Variants in ATP2A3 observed in about 807,000 individuals in gnomAD.
The protein encoded by ATP2A3 is sarcoplasmic/endoplasmic reticulum calcium ATPase 3.
In ATP2A3, 61 loss-of-function variants were observed where a neutral mutation model predicts 106.8. The ratio of observed to expected loss-of-function variants is 0.57; its 90% CI spans 0.46 to 0.71. The LOEUF is 0.71. ATP2A3 is among the 30% of genes least tolerant of loss of function. ATP2A3 has a pLI of 0.00. For missense variants in ATP2A3, 1,201 were observed against 1,423.5 expected, an observed-to-expected ratio of 0.84 and a Z score of 2.52; for synonymous variants, 611 against 609.3, an observed-to-expected ratio of 1.00 and a Z score of -0.04.
At chr17:3,960,997 T>C (rs2055107001) in intron 1 of ATP2A3, among the ~76,000 whole-genome samples, 1 of 152,178 alleles carries the variant, frequency 6.6e-6, no homozygotes. Context: ...CGAAATGCCA[T>C]GCAGCCACTA....
intron 1 of ATP2A3, among the ~76,000 whole-genome samples, chr17:3,962,128 G>C (rs372299987): frequency 1.3e-5 from 2 of 152,316 alleles, no homozygotes; most frequent in East Asian, 3.9e-4. Context: ...TGAAAAAGCT[G>C]CTGCCGGCTG....
At chr17:3,945,287 G>C (rs1056141853) in intron 8 of ATP2A3, 139 bp from the exon 9 acceptor site, 1 of 697,478 alleles carries the variant, frequency 1.4e-6, no homozygotes. Context: ...TGCCCACCAG[G>C]AGGGAAATAG....
At position 3,924,801 on chromosome 17, in the gene ATP2A3, C is replaced by T. The variant is rs1307676709; in HGVS notation, c.*621G>A. On this transcript the variant is annotated 3_prime_UTR_variant, in exon 21 of 21. Transcript: ENST00000397041. The surrounding 1 kb of genome is among the most constrained non-coding windows in gnomAD (Gnocchi z 6.4). ...TCTCTGACCCTTCACCCGCCCGGGC[C>T]CTGCACATATAAACAGAAGCAGCCT... 7 of 456,542 alleles carry T rather than the reference C, an allele frequency of 1.5e-5. No individual in the cohort carries two copies. The highest frequency in any genetic ancestry group is 1.4e-4 in the African/African-American group (7 of 50,056). 28.3% of individuals were successfully genotyped at this position (456,542 alleles called of 1,614,324 possible).
chr17:3,935,086 G>A, intron 17 of ATP2A3, 106 bp downstream of exon 17: 1 of 1,174,898 alleles, frequency 8.5e-7, no homozygotes, highest in Non-Finnish European at 1.3e-6. Context: ...ATAGCGAGTG[G>A]GGAAGGACAC....
chr17:3,934,623 A>G lies in ATP2A3; in HGVS notation c.2610+569T>C, dbSNP rs141215764. Reference sequence around the variant, plus strand: ...ACTGCAACCGCTGCCTCCCAGGTTCATGTGATTCAACTGCCTCAGCCTCCT... The same window carrying G: ...ACTGCAACCGCTGCCTCCCAGGTTCGTGTGATTCAACTGCCTCAGCCTCCT... On this transcript the variant is annotated intron_variant, in intron 17 of 20. Transcript: ENST00000397041. Among the ~76,000 whole-genome samples, 574 of 149,024 alleles carry G rather than the reference A, an allele frequency of 3.9e-3. 16 individuals carry two copies. In the East Asian group the frequency reaches 0.061, roughly 16 times the overall value.
At chr17:3,959,308 C>G (rs2055004861) in intron 1 of ATP2A3, among the ~76,000 whole-genome samples, 1 of 152,200 alleles carries the variant, frequency 6.6e-6, no homozygotes, top group Non-Finnish European at 1.5e-5. Context: ...CCTCCCCTAC[C>G]TCATCGCTGT....
Position 3,924,943 on chromosome 17 carries a change from C to T in ATP2A3, c.*479G>A, listed in dbSNP as rs1201342341. ...CTGATCCCCCAGGGCTGACCCAGTC[C>T]CAGACCAGGCACGAAGAGAGAGGTC... On this transcript the variant is annotated 3_prime_UTR_variant, in exon 21 of 21. Transcript: ENST00000397041. This position sits in a 1 kb window ranked among gnomAD's most constrained non-coding sequence, Gnocchi z 6.4. 5 of 423,038 alleles carry T rather than the reference C, an allele frequency of 1.2e-5. No homozygotes were observed. Among genetic ancestry groups the T allele is most frequent in the African/African-American group, 1.0e-4 (5 of 49,050 alleles). The allele number at this position is 423,038 out of a possible 1,614,324, so 26.2% of individuals were successfully genotyped here. A position where few individuals can be genotyped will look rare whatever the true frequency, so the allele number is the denominator to read the frequency against.
At chr17:3,960,504 C>T (rs2055077796) in intron 1 of ATP2A3, among the ~76,000 whole-genome samples, 2 of 152,258 alleles carry the variant, frequency 1.3e-5, no homozygotes, top group South Asian at 2.1e-4. Flanking sequence ...ATCTGCCCGA[C>T]TCTCAGGTCA....
Position 3,947,714 on chromosome 17 carries a change from G to A in ATP2A3, c.772C>T (p.Arg258Trp), listed in dbSNP as rs139726654. The A allele has an allele frequency of 2.5e-5, 40 of 1,610,568 alleles. No individual in the cohort carries two copies. The highest frequency in any genetic ancestry group is 2.7e-5 in the African/African-American group (2 of 74,936). ...PLQRKLDEFG[R>W]QLSHAISVIC... ...ACAGAGATGGCGTGGGACAGCTGCC[G>A]TCCAAACTCGTCCAGCTTGCGCTGC... The change falls in exon 8 of 21, where the codon CGG becomes TGG. Residue 258 changes from arginine to tryptophan, a missense_variant. Coordinates refer to ENST00000397041, the MANE Select transcript of ATP2A3 (RefSeq NM_005173.4). The surrounding 1 kb of genome is among the most constrained non-coding windows in gnomAD (Gnocchi z 7.7).
chr17:3,950,730 C>T lies in ATP2A3; in HGVS notation c.507G>A (p.Lys169=), dbSNP rs746391142. The part of the protein sequence containing the change: ...VPADLRLIEI[K]STTLRVDQSI... ...ACTGGTCCACTCGCAGCGTGGTGGA[C>T]TTGATCTCGATGAGGCGGAGGTCAG... The change falls in exon 6 of 21, where the codon AAG becomes AAA. Residue 169 remains lysine, a synonymous_variant. Transcript: ENST00000397041. The T allele has an allele frequency of 1.9e-6, 3 of 1,613,958 alleles. No homozygotes were observed. The highest frequency in any genetic ancestry group is 1.7e-5 in the Admixed American group (1 of 60,010).
intron 9 of ATP2A3, 90 bp downstream of exon 9, chr17:3,944,970 C>T (rs2054022623): frequency 7.6e-7 from 1 of 1,316,386 alleles, no homozygotes; most frequent in East Asian, 3.2e-5. Context: ...CTGGCCCGCC[C>T]CCAGGGGCCT....
At chr17:3,939,179 A>C (rs535174504) in intron 14 of ATP2A3, among the ~76,000 whole-genome samples, 1 of 152,268 alleles carries the variant, frequency 6.6e-6, no homozygotes, top group African/African-American at 2.4e-5. Context: ...AAACAAAAAA[A>C]GAATTAGATT....
rs368711096 is a variant in ATP2A3, at chr17:3,931,007, G to A, written c.2611-573C>T. 210 of 213,666 alleles carry A rather than the reference G, an allele frequency of 9.8e-4. 3 individuals carry two copies. The highest frequency in any genetic ancestry group is 8.6e-3 in the Middle Eastern group (4 of 466). The allele number at this position is 213,666 out of a possible 1,614,324, so 13.2% of individuals were successfully genotyped here. A position where few individuals can be genotyped will look rare whatever the true frequency, so the allele number is the denominator to read the frequency against. Reference sequence around the variant, plus strand: ...AATACAAAAATTAGCCTGCGTGGTGGTGCGTGCCTGTAATCCCAGCTACTC... The same window carrying A: ...AATACAAAAATTAGCCTGCGTGGTGATGCGTGCCTGTAATCCCAGCTACTC... On this transcript the variant is annotated intron_variant, in intron 17 of 20. Coordinates refer to ENST00000397041, the MANE Select transcript of ATP2A3 (RefSeq NM_005173.4).
At chr17:3,937,030 A>T (rs2053487345) in intron 15 of ATP2A3, 1 of 358,562 alleles carries the variant, frequency 2.8e-6, no homozygotes, top group Non-Finnish European at 5.4e-6. Context: ...TACACATTAC[A>T]CACACCTCTC....
intron 7 of ATP2A3, among the ~76,000 whole-genome samples, chr17:3,949,519 A>T (rs185262307): frequency 1.5e-4 from 23 of 152,316 alleles, no homozygotes; most frequent in African/African-American, 5.3e-4. Flanking sequence ...TCGAGTGATT[A>T]TAGGGAGGCT....
At chr17:3,958,568 G>C (rs1015097520) in intron 1 of ATP2A3, among the ~76,000 whole-genome samples, 1 of 151,772 alleles carries the variant, frequency 6.6e-6, no homozygotes, top group Non-Finnish European at 1.5e-5. Flanking sequence ...CTGTCCCTCT[G>C]TTAGCCAAGC....
chr17:3,951,230 AAGG>A lies in ATP2A3; in HGVS notation c.463+18_463+20del, dbSNP rs2054406085. ...AAATAAATAAAATAAAATAAAATAA[AAGG>A]AGGAGGCCCCGGCATACCTGCCACT... On this transcript the variant is annotated intron_variant, in intron 5 of 20. Transcript: ENST00000397041. 7.1e-7 allele frequency: 1 copy of A among 1,414,718 alleles called. No homozygotes were observed. Among genetic ancestry groups the A allele is most frequent in the African/African-American group, 1.5e-5 (1 of 67,952 alleles). The allele number at this position is 1,414,718 out of a possible 1,614,324, so 87.6% of individuals were successfully genotyped here.
intron 5 of ATP2A3, among the ~76,000 whole-genome samples, chr17:3,951,006 G>A (rs1257942937): frequency 5.3e-5 from 8 of 151,922 alleles, no homozygotes; most frequent in Non-Finnish European, 1.0e-4. Flanking sequence ...CCGGAATGAC[G>A]GAGGCACAGA....
chr17:3,960,347 G>A (rs2144775107), intron 1 of ATP2A3, among the ~76,000 whole-genome samples: 1 of 152,352 alleles, frequency 6.6e-6, no homozygotes, highest in African/African-American at 2.4e-5. Flanking sequence ...CCGCTGGCAG[G>A]AGTCTAAATC....
Sources: gnomAD v4.1 joint callset for allele counts (sites outside exome capture counted in the v4.1 genomes callset) on GRCh38, gnomAD v4.1.1 for gene constraint, Gnocchi (gnomAD v3.1) non-coding constraint, MANE v1.5 for transcripts, NCBI Gene and HGNC (gene_info 2026-07-23, HGNC 2026-07-21) for gene names.